The following ZNF407 variants were observed in gnomAD, a reference collection of about 807,000 sequenced individuals.
ZNF407 encodes the protein zinc finger protein 407.
ZNF407 carries 17 observed loss-of-function variants against 131.2 expected under a neutral mutation model. The observed-to-expected ratio is 0.13, with a 90% CI of 0.09 to 0.19. ZNF407 has a LOEUF of 0.19. Ranked by LOEUF, ZNF407 falls within the 10% of genes least tolerant of loss-of-function variation. The pLI, the probability that ZNF407 is intolerant of heterozygous loss-of-function variation, is 1.00. For synonymous variants in ZNF407, 1,156 were observed against 1,062.0 expected (o/e 1.09, Z -1.72); for missense variants, 2,681 against 2,830.6 (o/e 0.95, Z 1.20).
At chr18:74,947,961 G>C (rs1972172218) in intron 8 of ZNF407, among the ~76,000 whole-genome samples, 1 of 152,122 alleles carries the variant, frequency 6.6e-6, no homozygotes, top group Non-Finnish European at 1.5e-5. Flanking sequence ...TCAAAACCAA[G>C]GGTCAAAGAG....
At chr18:75,062,889 T>G in intron 8 of ZNF407, 1 of 319,910 alleles carries the variant, frequency 3.1e-6, no homozygotes, top group Non-Finnish European at 5.7e-6. Context: ...CTGCAAAGAG[T>G]TGTATTGGAC....
intron 3 of ZNF407, among the ~76,000 whole-genome samples, chr18:74,655,144 T>A (rs1985396502): frequency 6.6e-6 from 1 of 152,006 alleles, no homozygotes; most frequent in South Asian, 2.1e-4. Context: ...AAATGCATTA[T>A]TATAAGAATC....
At chr18:74,720,009 T>C (rs760787383) in intron 3 of ZNF407, among the ~76,000 whole-genome samples, 2 of 152,318 alleles carry the variant, frequency 1.3e-5, no homozygotes, top group Non-Finnish European at 2.9e-5. Flanking sequence ...TTTGGATGAA[T>C]GTCCAGCAGT....
Position 75,063,725 on chromosome 18 carries a change from G to A in ZNF407, c.6004G>A (p.Val2002Met), listed in dbSNP as rs750220361. The A allele has an allele frequency of 2.5e-6, 4 of 1,611,632 alleles. No individual in the cohort carries two copies. Among genetic ancestry groups the A allele is most frequent in the African/African-American group, 1.3e-5 (1 of 74,912 alleles). Residue 2002 changes from valine (V) to methionine (M), a missense_variant, in exon 9 of 9, where the codon GTG becomes ATG. Coordinates refer to ENST00000299687, the MANE Select transcript of ZNF407 (RefSeq NM_017757.3). The surrounding 1 kb of genome is among the most constrained non-coding windows in gnomAD (Gnocchi z 6.6). ...CTGTGCGGTCACTGAATTAGGGGAGGTGGAGGGCAGGGCTGGGCTCGAGGA... is the reference window on the plus strand; with the variant it reads ...CTGTGCGGTCACTGAATTAGGGGAGATGGAGGGCAGGGCTGGGCTCGAGGA... Reference protein sequence around the residue: ...LLCAVTELGEVEGRAGLEEQG... With the variant: ...LLCAVTELGEMEGRAGLEEQG...
At chr18:74,661,720 A>G (rs1162602871) in intron 3 of ZNF407, among the ~76,000 whole-genome samples, 2 of 152,208 alleles carry the variant, frequency 1.3e-5, no homozygotes. Context: ...AATAAAACAA[A>G]AACTATTTTA....
intron 8 of ZNF407, among the ~76,000 whole-genome samples, chr18:74,981,803 G>T (rs537414708): frequency 2.3e-4 from 35 of 152,232 alleles, no homozygotes; most frequent in African/African-American, 8.2e-4. Flanking sequence ...ATTTTACTTT[G>T]CTTTAAGCTA....
chr18:74,724,097 G>GA (rs1177659264), intron 3 of ZNF407, among the ~76,000 whole-genome samples: 2 of 151,928 alleles, frequency 1.3e-5, no homozygotes, highest in South Asian at 4.2e-4. Context: ...CAATGAATAT[G>GA]AAAAAAATCA....
At chr18:74,844,564 C>T (rs1599191740) in intron 4 of ZNF407, among the ~76,000 whole-genome samples, 2 of 152,010 alleles carry the variant, frequency 1.3e-5, no homozygotes, top group East Asian at 3.9e-4. Context: ...TCAAAATATA[C>T]CTCAAAAAGA....
chr18:74,929,194 C>G (rs1453928804), intron 8 of ZNF407, among the ~76,000 whole-genome samples: 1 of 152,070 alleles, frequency 6.6e-6, no homozygotes, highest in Non-Finnish European at 1.5e-5. Flanking sequence ...TCTCCCCTTC[C>G]TTGAGTGTGC....
chr18:75,063,480 A>T lies in ZNF407; in HGVS notation c.5759A>T (p.His1920Leu), dbSNP rs1160813838. 3 of 1,601,788 alleles carry T rather than the reference A, an allele frequency of 1.9e-6. No individual in the cohort carries two copies. The highest frequency in any genetic ancestry group is 2.2e-5 in the South Asian group (2 of 89,356). ...QVIATSQSGA[H>L]VGSVVPGPIL... Reference sequence around the variant, plus strand: ...ATCGCCACGAGTCAGAGCGGGGCACATGTAGGCAGCGTGGTGCCCGGACCC... The same window carrying T: ...ATCGCCACGAGTCAGAGCGGGGCACTTGTAGGCAGCGTGGTGCCCGGACCC... The change falls in exon 9 of 9, where the codon CAT becomes CTT. Residue 1920 changes from histidine to leucine, a missense_variant. This residue lies in a region of ZNF407 where 620 missense variants were observed against 583.1 expected (regional missense o/e 1.06). Transcript: ENST00000299687. This position sits in a 1 kb window ranked among gnomAD's most constrained non-coding sequence, Gnocchi z 6.6.
At chr18:74,892,991 T>G (rs1971406249) in intron 7 of ZNF407, among the ~76,000 whole-genome samples, 1 of 152,204 alleles carries the variant, frequency 6.6e-6, no homozygotes, top group Admixed American at 6.5e-5. Context: ...TTTGGTAGAT[T>G]CATTTATGCA....
intron 4 of ZNF407, among the ~76,000 whole-genome samples, chr18:74,818,131 C>T (rs1157217965): frequency 6.6e-6 from 1 of 152,190 alleles, no homozygotes; most frequent in Non-Finnish European, 1.5e-5. Context: ...TTGCATACAT[C>T]TGGTTTGTGT....
intron 4 of ZNF407, among the ~76,000 whole-genome samples, chr18:74,827,673 A>G (rs1454094803): frequency 6.6e-6 from 1 of 152,156 alleles, no homozygotes; most frequent in Non-Finnish European, 1.5e-5. Context: ...TTTAGTAGAT[A>G]ATGGCATTTA....
At chr18:74,896,281 T>G (rs1002805372) in intron 7 of ZNF407, among the ~76,000 whole-genome samples, 4 of 152,202 alleles carry the variant, frequency 2.6e-5, no homozygotes, top group Non-Finnish European at 4.4e-5. Context: ...TCATTTAAAG[T>G]ACCAGTCAAC....
intron 1 of ZNF407, among the ~76,000 whole-genome samples, chr18:74,600,040 C>T (rs1224760334): frequency 6.6e-6 from 1 of 152,138 alleles, no homozygotes; most frequent in Admixed American, 6.5e-5. Context: ...CCAGCCATTG[C>T]ACTAGAGTAA....
At chr18:74,854,296 T>A (rs1236567740) in intron 4 of ZNF407, among the ~76,000 whole-genome samples, 1 of 152,246 alleles carries the variant, frequency 6.6e-6, no homozygotes, top group Admixed American at 6.5e-5. Flanking sequence ...ATTTGTAAGA[T>A]TACTTGGTAT....
In ZNF407 at chr18:74,752,229, G is replaced by T. The variant is rs192631726; in HGVS notation, c.4803-29199G>T. 3.3e-3 allele frequency among the ~76,000 whole-genome samples: 495 copies of T among 151,860 alleles called. 3 individuals are homozygous for T. The highest frequency in any genetic ancestry group is 0.011 in the African/African-American group (466 of 41,494). On this transcript the variant is annotated intron_variant, in intron 3 of 8. Coordinates refer to ENST00000299687, the MANE Select transcript of ZNF407 (RefSeq NM_017757.3). ...ACTTTTTGATGGGGTTGTTTGATTT[G>T]TTTCTTGTAAATTTGTTTAAGTTCT...
chr18:74,923,863 T>C (rs1051229390), intron 8 of ZNF407, among the ~76,000 whole-genome samples: 1 of 152,176 alleles, frequency 6.6e-6, no homozygotes, highest in Admixed American at 6.5e-5. Context: ...GCAGTTTTTA[T>C]CTTTTACATT....
intron 4 of ZNF407, among the ~76,000 whole-genome samples, chr18:74,816,086 A>G (rs964153965): frequency 1.3e-5 from 2 of 152,196 alleles, no homozygotes; most frequent in Non-Finnish European, 2.9e-5. Context: ...AATGTACAGG[A>G]TACTCTCGTA....
Sources: gnomAD v4.1 joint callset for allele counts (sites outside exome capture counted in the v4.1 genomes callset) on GRCh38, gnomAD v4.1.1 for gene constraint, gnomAD v4.1.1 regional missense constraint, Gnocchi (gnomAD v3.1) non-coding constraint, MANE v1.5 for transcripts, NCBI Gene and HGNC (gene_info 2026-07-23, HGNC 2026-07-21) for gene names.